The following LIPI variants were observed in gnomAD, a reference collection of about 807,000 sequenced individuals.
LIPI encodes the protein lipase member I.
A neutral mutation model predicts 50.6 loss-of-function variants in LIPI; 59 were observed. The ratio of observed to expected loss-of-function variants is 1.16; its 90% CI spans 0.94 to 1.45. The LOEUF is 1.45. LIPI is among the 40% of genes most tolerant of loss of function. LIPI has a pLI of 0.00. For synonymous variants in LIPI, 203 were observed against 178.2 expected (o/e 1.14, Z -1.11); for missense variants, 586 against 536.3 (o/e 1.09, Z -0.92).
intron 2 of LIPI, 67 bp downstream of exon 2, chr21:14,188,967 C>G (rs2019549826): frequency 7.9e-7 from 1 of 1,270,174 alleles, no homozygotes; most frequent in Non-Finnish European, 1.1e-6. Flanking sequence ...ATGTAACACA[C>G]TGCATATTGT....
intron 9 of LIPI, among the ~76,000 whole-genome samples, chr21:14,130,601 G>A (rs2017255640): frequency 6.6e-6 from 1 of 152,146 alleles, no homozygotes; most frequent in South Asian, 2.1e-4. Flanking sequence ...GCCCTCTCTG[G>A]TCACAAGCCC....
chr21:14,196,154 G>T (rs1234336711), intron 1 of LIPI, among the ~76,000 whole-genome samples: 25 of 78,232 alleles, frequency 3.2e-4, no homozygotes, highest in South Asian at 1.5e-3. Flanking sequence ...ACACCAAATT[G>T]TAAAAAAAAA....
chr21:14,113,969 T>G (rs2016517428), intron 9 of LIPI, among the ~76,000 whole-genome samples: 1 of 152,088 alleles, frequency 6.6e-6, no homozygotes, highest in Non-Finnish European at 1.5e-5. Flanking sequence ...AGGTGGATCA[T>G]GAGGTCAGCA....
intron 4 of LIPI, among the ~76,000 whole-genome samples, chr21:14,172,690 G>C (rs2018958566): frequency 6.6e-6 from 1 of 151,754 alleles, no homozygotes; most frequent in South Asian, 2.1e-4. Flanking sequence ...CACAAGAAGG[G>C]GAACATCACA....
intron 1 of LIPI, among the ~76,000 whole-genome samples, chr21:14,196,923 G>A (rs374772672): frequency 2.0e-5 from 3 of 151,998 alleles, no homozygotes; most frequent in East Asian, 3.9e-4. Flanking sequence ...AAAAAACATA[G>A]TAAAGGTCCA....
chr21:14,170,675 TA>T (rs1203482419), intron 4 of LIPI, among the ~76,000 whole-genome samples: 1 of 152,138 alleles, frequency 6.6e-6, no homozygotes, highest in Non-Finnish European at 1.5e-5. Context: ...CCCTTCATGC[TA>T]AAAACTCTCA....
intron 9 of LIPI, among the ~76,000 whole-genome samples, chr21:14,123,243 A>G: frequency 6.6e-6 from 1 of 152,240 alleles, no homozygotes; most frequent in Non-Finnish European, 1.5e-5. Flanking sequence ...TTAGATCAGC[A>G]ATATTTTGAA....
chr21:14,193,393 G>A (rs406216), intron 1 of LIPI, among the ~76,000 whole-genome samples: 21,010 of 151,954 alleles, frequency 0.14, 1,922 homozygotes, highest in South Asian at 0.21. Context: ...TAAGTGCTTT[G>A]CTATCAATGA....
At chr21:14,207,182 C>T (rs958189928) in intron 1 of LIPI, among the ~76,000 whole-genome samples, 8 of 152,068 alleles carry the variant, frequency 5.3e-5, no homozygotes, top group African/African-American at 1.9e-4. Flanking sequence ...GCAATCAAAA[C>T]ACACATTTAG....
chr21:14,138,113 G>A (rs2017571888), intron 9 of LIPI, among the ~76,000 whole-genome samples: 1 of 152,084 alleles, frequency 6.6e-6, no homozygotes, highest in South Asian at 2.1e-4. Flanking sequence ...GTTCACCATT[G>A]AGGTTTTGGG....
chr21:14,122,109 G>A (rs1600832437), intron 9 of LIPI, among the ~76,000 whole-genome samples: 1 of 152,342 alleles, frequency 6.6e-6, no homozygotes, highest in East Asian at 1.9e-4. Context: ...CCTGTGCATA[G>A]TGTAAACTTG....
At chr21:14,169,962 G>T (rs372029187) in intron 4 of LIPI, among the ~76,000 whole-genome samples, 2 of 151,866 alleles carry the variant, frequency 1.3e-5, no homozygotes, top group Non-Finnish European at 2.9e-5. Context: ...TTGATAGACC[G>T]CTAGCAAGAC....
intron 1 of LIPI, among the ~76,000 whole-genome samples, chr21:14,194,493 A>G (rs2019778212): frequency 6.6e-6 from 1 of 152,180 alleles, no homozygotes; most frequent in South Asian, 2.1e-4. Context: ...GACACATACT[A>G]CAATAAGAAT....
At chr21:14,172,212 AAAC>A (rs1600895652) in intron 4 of LIPI, among the ~76,000 whole-genome samples, 1 of 150,496 alleles carries the variant, frequency 6.6e-6, no homozygotes, top group Non-Finnish European at 1.5e-5. Flanking sequence ...AAAAGTCAGG[AAAC>A]AACAGGTGCT....
intron 1 of LIPI, among the ~76,000 whole-genome samples, chr21:14,194,677 A>G (rs551276081): frequency 6.6e-6 from 1 of 152,194 alleles, no homozygotes; most frequent in Non-Finnish European, 1.5e-5. Flanking sequence ...TTTAATAGAT[A>G]TAGAGTTGAT....
intron 4 of LIPI, among the ~76,000 whole-genome samples, chr21:14,169,600 C>G (rs1032864211): frequency 2.0e-5 from 3 of 152,206 alleles, no homozygotes; most frequent in Non-Finnish European, 4.4e-5. Context: ...GAACAATCTG[C>G]TCCTGAATGA....
intron 1 of LIPI, among the ~76,000 whole-genome samples, chr21:14,208,463 C>G (rs1244412171): frequency 1.3e-5 from 2 of 152,130 alleles, no homozygotes; most frequent in Admixed American, 1.3e-4. Flanking sequence ...CCAAAGCACA[C>G]AGGAGTGGGA....
At chr21:14,149,325 C>A (rs1600863802) in intron 8 of LIPI, among the ~76,000 whole-genome samples, 1 of 152,240 alleles carries the variant, frequency 6.6e-6, no homozygotes, top group Admixed American at 6.5e-5. Context: ...ATAGGGGAAA[C>A]CACCCCTGTG....
At chr21:14,124,342 T>A (rs1253567762) in intron 9 of LIPI, among the ~76,000 whole-genome samples, 1 of 152,204 alleles carries the variant, frequency 6.6e-6, no homozygotes, top group African/African-American at 2.4e-5. Flanking sequence ...TTTACAAGTA[T>A]AATCAAAGAC....
Sources: gnomAD v4.1 joint callset for allele counts (sites outside exome capture counted in the v4.1 genomes callset) on GRCh38, gnomAD v4.1.1 for gene constraint, MANE v1.5 for transcripts, NCBI Gene and HGNC (gene_info 2026-07-23, HGNC 2026-07-21) for gene names.